TNFAIP8: variants seen among roughly 807,000 people sequenced by gnomAD.
The protein encoded by TNFAIP8 is tumor necrosis factor alpha-induced protein 8.
A neutral mutation model predicts 13.3 loss-of-function variants in TNFAIP8; 7 were observed. The observed-to-expected ratio is 0.52, with a 90% CI of 0.30 to 0.99. The LOEUF (loss-of-function observed/expected upper bound fraction) is 0.99. TNFAIP8 is among the 50% of genes least tolerant of loss of function. The probability of loss-of-function intolerance (pLI) is 0.07; values close to 1 mark genes in which losing one functional copy is unlikely to be tolerated. For missense variants in TNFAIP8, 258 were observed against 236.9 expected (o/e 1.09, Z -0.58); for synonymous variants, 94 against 87.6 (o/e 1.07, Z -0.41).
At chr5:119,366,113 A>G (rs1256009629) in intron 1 of TNFAIP8, among the ~76,000 whole-genome samples, 1 of 151,442 alleles carries the variant, frequency 6.6e-6, no homozygotes, top group Admixed American at 6.6e-5. Context: ...GTGGAGAGAG[A>G]GAGGAAGGGA....
At chr5:119,336,230 A>G (rs543246558) in intron 1 of TNFAIP8, among the ~76,000 whole-genome samples, 23 of 152,342 alleles carry the variant, frequency 1.5e-4, no homozygotes, top group Non-Finnish European at 2.4e-4. Context: ...TACAAATGCA[A>G]CGTAGGCCAA....
intron 1 of TNFAIP8, among the ~76,000 whole-genome samples, chr5:119,279,793 C>T (rs897067504): frequency 6.6e-6 from 1 of 152,164 alleles, no homozygotes; most frequent in Non-Finnish European, 1.5e-5. Flanking sequence ...TATTTTGGAG[C>T]ATGTCATTTG....
chr5:119,326,966 C>T (rs925529856), intron 1 of TNFAIP8, among the ~76,000 whole-genome samples: 5 of 152,148 alleles, frequency 3.3e-5, no homozygotes, highest in South Asian at 2.1e-4. Flanking sequence ...TAAACCAGCC[C>T]GTGTGCCCTC....
At chr5:119,338,702 A>T (rs1330507873) in intron 1 of TNFAIP8, among the ~76,000 whole-genome samples, 1 of 152,234 alleles carries the variant, frequency 6.6e-6, no homozygotes, top group Non-Finnish European at 1.5e-5. Context: ...CCAGGATGTT[A>T]CATCCGTTGT....
intron 1 of TNFAIP8, among the ~76,000 whole-genome samples, chr5:119,272,948 CCAGGCTAACTCGT>C (rs1232366389): frequency 6.6e-6 from 1 of 152,182 alleles, no homozygotes; most frequent in Non-Finnish European, 1.5e-5. Flanking sequence ...GATTGAGACT[CCAGGCTAACTCGT>C]AAACACCTCT....
intron 1 of TNFAIP8, among the ~76,000 whole-genome samples, chr5:119,385,875 G>A (rs1042394808): frequency 6.6e-6 from 1 of 152,222 alleles, no homozygotes; most frequent in Non-Finnish European, 1.5e-5. Flanking sequence ...CTGTGATAGG[G>A]ATTGTGTGAA....
intron 1 of TNFAIP8, among the ~76,000 whole-genome samples, chr5:119,276,688 C>A (rs1748460427): frequency 6.6e-6 from 1 of 152,176 alleles, no homozygotes; most frequent in Non-Finnish European, 1.5e-5. Flanking sequence ...TGGTGTCTCT[C>A]CCTCTTCATA....
intron 1 of TNFAIP8, among the ~76,000 whole-genome samples, chr5:119,292,650 A>ATG: frequency 4.5e-5 from 1 of 22,030 alleles, no homozygotes; most frequent in East Asian, 4.9e-3. Context: ...TGTAGCATAT[A>ATG]TATATATATA....
At chr5:119,311,124 GC>G (rs1749715748) in intron 1 of TNFAIP8, among the ~76,000 whole-genome samples, 1 of 152,098 alleles carries the variant, frequency 6.6e-6, no homozygotes, top group African/African-American at 2.4e-5. Flanking sequence ...CTGGCCTTGA[GC>G]GATCCTCCCA....
At chr5:119,303,041 T>G (rs1749442937) in intron 1 of TNFAIP8, among the ~76,000 whole-genome samples, 1 of 152,096 alleles carries the variant, frequency 6.6e-6, no homozygotes, top group Admixed American at 6.5e-5. Flanking sequence ...CTTCAGCTCC[T>G]CCTCCCTGTT....
chr5:119,359,236 T>A (rs1751546608), intron 1 of TNFAIP8, among the ~76,000 whole-genome samples: 1 of 152,140 alleles, frequency 6.6e-6, no homozygotes, highest in Non-Finnish European at 1.5e-5. Flanking sequence ...AGCTCCCCAT[T>A]CTAGGACATT....
chr5:119,385,224 C>G (rs2112849331), intron 1 of TNFAIP8, among the ~76,000 whole-genome samples: 1 of 152,284 alleles, frequency 6.6e-6, no homozygotes, highest in South Asian at 2.1e-4. Context: ...AAATTGCACC[C>G]AAGTTTACAA....
At chr5:119,289,212 G>C (rs1048514184) in intron 1 of TNFAIP8, among the ~76,000 whole-genome samples, 1 of 152,180 alleles carries the variant, frequency 6.6e-6, no homozygotes, top group Non-Finnish European at 1.5e-5. Flanking sequence ...ATTTCGCAAA[G>C]GGATACTTAT....
chr5:119,356,083 C>G lies in TNFAIP8; in HGVS notation c.-8C>G. 6.3e-7 allele frequency: 1 copy of G among 1,585,472 alleles called. No homozygotes were observed. On this transcript the variant is annotated 5_prime_UTR_variant, in exon 1 of 2. Coordinates refer to ENST00000504771, the MANE Select transcript of TNFAIP8 (RefSeq NM_014350.4). Reference sequence around the variant, plus strand: ...GTAATCGCCCCTGCAGCTGGTTATCCTGACATTATGCACTCCGAAGCAGAA... The same window carrying G: ...GTAATCGCCCCTGCAGCTGGTTATCGTGACATTATGCACTCCGAAGCAGAA...
intron 1 of TNFAIP8, among the ~76,000 whole-genome samples, chr5:119,329,924 G>A (rs1488809380): frequency 6.6e-6 from 1 of 152,048 alleles, no homozygotes; most frequent in East Asian, 1.9e-4. Context: ...AGGCCATCTG[G>A]AAAACGCTTC....
intron 1 of TNFAIP8, among the ~76,000 whole-genome samples, chr5:119,285,583 A>G (rs1051383547): frequency 2.0e-5 from 3 of 152,210 alleles, no homozygotes; most frequent in Admixed American, 2.0e-4. Context: ...GTTCCCTCTC[A>G]TTGCTAAGAT....
intron 1 of TNFAIP8, among the ~76,000 whole-genome samples, chr5:119,327,384 C>G (rs2112699883): frequency 6.6e-6 from 1 of 152,268 alleles, no homozygotes; most frequent in East Asian, 1.9e-4. Context: ...GGGAAAAAAT[C>G]AAAAGGAAAA....
intron 1 of TNFAIP8, among the ~76,000 whole-genome samples, chr5:119,382,577 T>C (rs1351984843): frequency 6.6e-6 from 1 of 152,218 alleles, no homozygotes; most frequent in African/African-American, 2.4e-5. Flanking sequence ...ATAATAATAA[T>C]TGCTTACATC....
intron 1 of TNFAIP8, among the ~76,000 whole-genome samples, chr5:119,304,235 C>T (rs1749484832): frequency 6.6e-6 from 1 of 152,138 alleles, no homozygotes; most frequent in African/African-American, 2.4e-5. Flanking sequence ...CCTCCTGCCG[C>T]AGCCTCCTGT....
Sources: gnomAD v4.1 joint callset for allele counts (sites outside exome capture counted in the v4.1 genomes callset) on GRCh38, gnomAD v4.1.1 for gene constraint, MANE v1.5 for transcripts, NCBI Gene and HGNC (gene_info 2026-07-23, HGNC 2026-07-21) for gene names.